The following IL22RA1 variants were observed in gnomAD, a reference collection of about 807,000 sequenced individuals.
The protein encoded by IL22RA1 is interleukin-22 receptor subunit alpha-1.
In IL22RA1, 25 loss-of-function variants were observed where a neutral mutation model predicts 32.8. The ratio of observed to expected loss-of-function variants is 0.76; its 90% CI spans 0.55 to 1.06. The LOEUF is 1.06. IL22RA1 is among the 50% of genes least tolerant of loss of function. IL22RA1 has a pLI of 0.00. For missense variants in IL22RA1, 709 were observed against 727.4 expected, an observed-to-expected ratio of 0.97 and a Z score of 0.29; for synonymous variants, 305 against 305.0, an observed-to-expected ratio of 1.00 and a Z score of 0.00.
At chr1:24,123,548 C>G (rs749485096) in intron 5 of IL22RA1, 125 bp from the exon 6 acceptor site, 29 of 1,503,624 alleles carry the variant, frequency 1.9e-5, no homozygotes, top group Non-Finnish European at 2.4e-5. Flanking sequence ...CCTCTCCTAC[C>G]GTCAGAATGC....
rs759383447 is a variant in IL22RA1, at chr1:24,120,892, T to C, written c.1638A>G (p.Pro546=). The stretch of plus-strand genomic sequence containing the variant: ...GCTCCAGGTCTGAGGTCTCAGGGGC[T>C]GGGCTCTTGGCTTCATCCTTGGGAC... ...LVCPKDEAKS[P]APETSDLEQP... The change falls in exon 7 of 7, where the codon CCA becomes CCG. Residue 546 remains proline (P), a synonymous_variant. Transcript: ENST00000270800. 6.2e-6 allele frequency: 10 copies of C among 1,614,192 alleles called. No homozygotes were observed. The highest frequency in any genetic ancestry group is 8.5e-6 in the Non-Finnish European group (10 of 1,180,026).
At chr1:24,132,187 G>A (rs1644209925) in intron 4 of IL22RA1, among the ~76,000 whole-genome samples, 1 of 152,126 alleles carries the variant, frequency 6.6e-6, no homozygotes, top group Non-Finnish European at 1.5e-5. Flanking sequence ...AAGCGCCTGG[G>A]TTGCTCACTA....
chr1:24,134,326 A>G lies in IL22RA1; in HGVS notation c.416T>C (p.Val139Ala), dbSNP rs569579760. 5.0e-6 allele frequency: 8 copies of G among 1,604,670 alleles called. No individual in the cohort carries two copies. The highest frequency in any genetic ancestry group is 4.5e-5 in the East Asian group (2 of 44,212). ...ACGGATTGGCGTGGGGGTAGGATGA[A>G]CAATCATCTGAATCGATCTCACTTT... ...ISKVRSIQMI[V>A]HPTPTPIRAG... is the part of the protein sequence containing the mutation. The change falls in exon 4 of 7, where the codon GTT (valine) becomes GCT (alanine). Residue 139 changes from valine to alanine, a missense_variant. Coordinates refer to ENST00000270800, the MANE Select transcript of IL22RA1 (RefSeq NM_021258.4).
At position 24,123,422 on chromosome 1, in the gene IL22RA1, G is replaced by C; in HGVS notation, c.672C>G (p.Asp224Glu). The part of the protein sequence containing the change: ...PYMCRVKTLP[D>E]RTWTYSFSGA... ...CGGAGAAGGAGTAGGTCCATGTCCG[G>C]TCTGGGAAACCAAAGGGGCCAGAGA... Residue 224 changes from aspartate to glutamate, a missense_variant and splice_region_variant, in exon 6 of 7, where the codon GAC becomes GAG. Asp to Glu is a conservative substitution (Grantham distance 45). Transcript: ENST00000270800. 6.2e-7 allele frequency: 1 copy of C among 1,613,144 alleles called. No individual in the cohort carries two copies. The highest frequency in any genetic ancestry group is 8.5e-7 in the Non-Finnish European group (1 of 1,179,656).
chr1:24,122,713 G>A (rs553727757), intron 6 of IL22RA1, among the ~76,000 whole-genome samples: 46 of 152,032 alleles, frequency 3.0e-4, no homozygotes, highest in African/African-American at 1.0e-3. Flanking sequence ...CAGGAGAATC[G>A]CTTGAACTCG....
chr1:24,141,954 G>A (rs544314201), intron 1 of IL22RA1, among the ~76,000 whole-genome samples: 17 of 152,316 alleles, frequency 1.1e-4, no homozygotes, highest in South Asian at 2.1e-4. Flanking sequence ...GTGAGGGCCC[G>A]GTGTGTGCAG....
At chr1:24,127,301 T>C (rs1474848176) in intron 5 of IL22RA1, among the ~76,000 whole-genome samples, 4 of 151,666 alleles carry the variant, frequency 2.6e-5, no homozygotes, top group African/African-American at 9.7e-5. Context: ...CTGTGTGACC[T>C]TGGGCAAGTC....
At chr1:24,121,798 G>A (rs1644125206) in intron 6 of IL22RA1, 61 bp from the exon 7 acceptor site, 1 of 1,329,802 alleles carries the variant, frequency 7.5e-7, no homozygotes, top group African/African-American at 1.5e-5. Context: ...GCTCCCTACT[G>A]GTGATGTGGG....
In IL22RA1 at chr1:24,134,869, A is replaced by G. The variant is rs544787304; in HGVS notation, c.356-483T>C. 3 of 983,192 alleles carry G rather than the reference A, an allele frequency of 3.1e-6. No homozygotes were observed. The South Asian group carries it at 1.4e-4, about 46-fold the overall frequency. 60.9% of individuals were successfully genotyped at this position (983,192 alleles called of 1,614,324 possible). On this transcript the variant is annotated intron_variant, in intron 3 of 6. Transcript: ENST00000270800. ...TCTCTCTCAAGATGGAATTTTCCAA[A>G]TAACCAAATTACCTTTGCTGGTTTA... is the stretch of plus-strand genomic sequence containing the variant.
chr1:24,142,491 A>G (rs1055001338), intron 1 of IL22RA1, among the ~76,000 whole-genome samples: 2 of 152,170 alleles, frequency 1.3e-5, no homozygotes, highest in Non-Finnish European at 2.9e-5. Flanking sequence ...GTGTCTTAAG[A>G]CCTATTAATG....
At chr1:24,131,059 A>G (rs757886928) in intron 4 of IL22RA1, among the ~76,000 whole-genome samples, 5 of 152,246 alleles carry the variant, frequency 3.3e-5, no homozygotes, top group Non-Finnish European at 7.3e-5. Flanking sequence ...AAACAAAATA[A>G]GCTCATATTG....
At chr1:24,129,914 T>G (rs1283275556) in intron 4 of IL22RA1, among the ~76,000 whole-genome samples, 1 of 152,196 alleles carries the variant, frequency 6.6e-6, no homozygotes, top group Non-Finnish European at 1.5e-5. Context: ...TTCCCAAGTT[T>G]TTCACGACCT....
chr1:24,132,718 T>C (rs955617766), intron 4 of IL22RA1, among the ~76,000 whole-genome samples: 2 of 151,332 alleles, frequency 1.3e-5, no homozygotes, highest in Non-Finnish European at 2.9e-5. Flanking sequence ...TGTCTTAAGT[T>C]GGCCGGGTGC....
At chr1:24,134,900 T>A in intron 3 of IL22RA1, 1 of 919,546 alleles carries the variant, frequency 1.1e-6, no homozygotes. Context: ...GTTTACAGAC[T>A]CCTTTGAGAA....
In IL22RA1 at chr1:24,137,142, G is replaced by A. The variant is rs1644247916; in HGVS notation, c.344C>T (p.Ser115Phe). The A allele has an allele frequency of 6.2e-7, 1 of 1,613,530 alleles. No homozygotes were observed. The highest frequency in any genetic ancestry group is 8.5e-7 in the Non-Finnish European group (1 of 1,179,704). ...SATKMTDRFS[S>F]LQHTTLKPPD... is the part of the protein sequence containing the mutation. ...GGGCTCCAACTCACTGTGCTGCAGA[G>A]AGCTGAACCTGTCAGTCATCTTGGT... Residue 115 changes from serine (S) to phenylalanine (F), a missense_variant, in exon 3 of 7, where the codon TCT becomes TTT. Physicochemically the swap from Ser to Phe is radical, Grantham distance 155. Coordinates refer to ENST00000270800, the MANE Select transcript of IL22RA1 (RefSeq NM_021258.4).
At chr1:24,127,847 A>G (rs1644176113) in intron 5 of IL22RA1, among the ~76,000 whole-genome samples, 1 of 152,144 alleles carries the variant, frequency 6.6e-6, no homozygotes, top group Admixed American at 6.5e-5. Context: ...TCCCTCCAGT[A>G]TATCTCACCT....
At chr1:24,140,901 T>A (rs2506092) in intron 1 of IL22RA1, among the ~76,000 whole-genome samples, 151,883 of 152,378 alleles carry the variant, frequency 1, 75,696 homozygotes, top group South Asian at 1. Context: ...CCCAGACACG[T>A]CTACGACTGC....
At chr1:24,139,594 C>T (rs373337909) in intron 1 of IL22RA1, among the ~76,000 whole-genome samples, 39 of 152,224 alleles carry the variant, frequency 2.6e-4, no homozygotes, top group African/African-American at 9.2e-4. Flanking sequence ...AGTGCAGTGG[C>T]GTGATCATGG....
chr1:24,129,387 T>G (rs1644187211), intron 4 of IL22RA1, among the ~76,000 whole-genome samples: 1 of 152,256 alleles, frequency 6.6e-6, no homozygotes, highest in Non-Finnish European at 1.5e-5. Flanking sequence ...TGCTGAATAG[T>G]ACCATGTGAG....
Sources: gnomAD v4.1 joint callset for allele counts (sites outside exome capture counted in the v4.1 genomes callset) on GRCh38, gnomAD v4.1.1 for gene constraint, MANE v1.5 for transcripts, NCBI Gene and HGNC (gene_info 2026-07-23, HGNC 2026-07-21) for gene names.